Variants in TENT5D observed in about 807,000 individuals in gnomAD.
TENT5D encodes cancer/testis antigen 112.
For synonymous variants in TENT5D, 103 were observed against 100.6 expected (o/e 1.02, Z -0.15); for missense variants, 191 against 287.0 (o/e 0.67, Z 2.42).
At chrX:80,378,654 C>A (rs1930784082) in intron 3 of TENT5D, among the ~76,000 whole-genome samples, 1 of 111,094 alleles carries the variant, frequency 9.0e-6, no homozygotes, top group Non-Finnish European at 1.9e-5. Context: ...GTTTTGGTAG[C>A]AGTACCATGC....
chrX:80,437,142 A>G (rs1932198552), intron 1 of TENT5D, among the ~76,000 whole-genome samples: 1 of 112,280 alleles, frequency 8.9e-6, no homozygotes, highest in African/African-American at 3.2e-5. Flanking sequence ...AATTATTAAA[A>G]GAATATGATT....
chrX:80,397,534 C>T (rs1284436049), intron 3 of TENT5D, among the ~76,000 whole-genome samples: 1 of 111,858 alleles, frequency 8.9e-6, no homozygotes, highest in Non-Finnish European at 1.9e-5. Context: ...GGGTGGTGGC[C>T]GGGCAGAGGC....
At chrX:80,397,325 G>T (rs1931292320) in intron 3 of TENT5D, among the ~76,000 whole-genome samples, 1 of 104,854 alleles carries the variant, frequency 9.5e-6, no homozygotes, top group Non-Finnish European at 2.0e-5. Context: ...CCACATCTCA[G>T]ACGATGGGCG....
At chrX:80,395,480 A>G (rs1171872412) in intron 3 of TENT5D, among the ~76,000 whole-genome samples, 1 of 111,785 alleles carries the variant, frequency 8.9e-6, no homozygotes, top group Admixed American at 9.5e-5. Flanking sequence ...TAATATTCTC[A>G]CCAACAGTGT....
At chrX:80,397,775 G>A (rs1361433441) in intron 3 of TENT5D, among the ~76,000 whole-genome samples, 2 of 112,656 alleles carry the variant, frequency 1.8e-5, no homozygotes, top group Non-Finnish European at 3.8e-5. Context: ...AAAAAAATAC[G>A]AAAACAAGTC....
intron 3 of TENT5D, among the ~76,000 whole-genome samples, chrX:80,359,204 T>C (rs188544214): frequency 9.0e-6 from 1 of 111,694 alleles, no homozygotes; most frequent in East Asian, 2.8e-4. Flanking sequence ...ACACTGTTGG[T>C]GGGAGTGTAA....
intron 2 of TENT5D, among the ~76,000 whole-genome samples, chrX:80,337,254 T>C (rs1230464985): frequency 8.9e-6 from 1 of 111,893 alleles, no homozygotes; most frequent in African/African-American, 3.2e-5. Context: ...AAAATGTGTG[T>C]GCAAAATAAA....
intron 3 of TENT5D, among the ~76,000 whole-genome samples, chrX:80,387,379 G>T (rs1161120759): frequency 7.2e-5 from 8 of 111,837 alleles, no homozygotes; most frequent in Non-Finnish European, 9.4e-5. Flanking sequence ...TCCTCCATGG[G>T]AAGGTTTTCC....
intron 2 of TENT5D, among the ~76,000 whole-genome samples, chrX:80,341,539 A>G (rs1929956226): frequency 9.0e-6 from 1 of 111,186 alleles, no homozygotes; most frequent in African/African-American, 3.3e-5. Flanking sequence ...ACAGGACAAG[A>G]TCAGTGTATA....
intron 3 of TENT5D, among the ~76,000 whole-genome samples, chrX:80,408,683 G>A (rs2147551465): frequency 9.0e-6 from 1 of 111,190 alleles, no homozygotes; most frequent in African/African-American, 3.3e-5. Flanking sequence ...GGAGGAACTG[G>A]TACCATTCCT....
At chrX:80,442,415 A>T (rs997042341) in intron 2 of TENT5D, 107 bp from the exon 3 acceptor site, 1 of 495,868 alleles carries the variant, frequency 2.0e-6, no homozygotes, top group Non-Finnish European at 3.3e-6. Context: ...CCCTAGTATT[A>T]TCATGGTTTA....
At chrX:80,357,919 A>G (rs1031733065) in intron 3 of TENT5D, among the ~76,000 whole-genome samples, 5 of 111,784 alleles carry the variant, frequency 4.5e-5, no homozygotes, top group Admixed American at 1.9e-4. Context: ...AAACTATACT[A>G]CAAGGCTACA....
At chrX:80,397,098 T>C (rs1450553695) in intron 3 of TENT5D, among the ~76,000 whole-genome samples, 1 of 78,452 alleles carries the variant, frequency 1.3e-5, no homozygotes, top group Non-Finnish European at 2.5e-5. Context: ...CCAGACGGGG[T>C]GGTTGCCGGG....
At chrX:80,365,583 G>A (rs780054949) in intron 3 of TENT5D, among the ~76,000 whole-genome samples, 1 of 111,433 alleles carries the variant, frequency 9.0e-6, no homozygotes, top group East Asian at 2.8e-4. Context: ...GCTTATGCCT[G>A]TAATCCCAGC....
intron 3 of TENT5D, among the ~76,000 whole-genome samples, chrX:80,413,329 G>A (rs532059006): frequency 2.5e-4 from 28 of 111,952 alleles, no homozygotes; most frequent in Middle Eastern, 4.6e-3. Flanking sequence ...TATTTGATGC[G>A]TAAATACATA....
At chrX:80,369,993 G>A (rs1415780881) in intron 3 of TENT5D, among the ~76,000 whole-genome samples, 1 of 110,849 alleles carries the variant, frequency 9.0e-6, no homozygotes, top group African/African-American at 3.3e-5. Flanking sequence ...TCAGACCATA[G>A]CTCACTATAG....
intron 3 of TENT5D, among the ~76,000 whole-genome samples, chrX:80,394,970 CCTAT>C (rs1344204604): frequency 9.0e-6 from 1 of 111,522 alleles, no homozygotes; most frequent in Non-Finnish European, 1.9e-5. Flanking sequence ...ACTTATTTCT[CCTAT>C]CTAATTGTAA....
intron 3 of TENT5D, among the ~76,000 whole-genome samples, chrX:80,350,993 C>T (rs7886159): frequency 4.5e-5 from 5 of 111,812 alleles, no homozygotes; most frequent in African/African-American, 1.6e-4. Context: ...TAGTTTGTAG[C>T]GTTTCTGCAG....
At chrX:80,411,630 A>T (rs1231730250) in intron 3 of TENT5D, among the ~76,000 whole-genome samples, 1 of 112,301 alleles carries the variant, frequency 8.9e-6, no homozygotes, top group East Asian at 2.8e-4. Flanking sequence ...TTAGACAAAA[A>T]GTATTTTTTA....
Sources: allele counts gnomAD v4.1 joint callset (sites outside exome capture counted in the v4.1 genomes callset), GRCh38; gene constraint gnomAD v4.1.1; transcripts MANE v1.5; gene names NCBI Gene and HGNC (gene_info 2026-07-23, HGNC 2026-07-21).